The following LIMCH1 variants were observed in gnomAD, a reference collection of about 807,000 sequenced individuals.
LIMCH1 encodes the protein LIM and calponin homology domains 1.
In LIMCH1, 113 loss-of-function variants were observed where a neutral mutation model predicts 176.5. The ratio of observed to expected loss-of-function variants is 0.64; its 90% confidence interval spans 0.55 to 0.75. The LOEUF (loss-of-function observed/expected upper bound fraction) is 0.75. LIMCH1 is among the 30% of genes least tolerant of loss of function. LIMCH1 has a pLI of 0.00. For missense variants in LIMCH1, 1,674 were observed against 1,814.9 expected, an observed-to-expected ratio of 0.92 and a Z score of 1.41; for synonymous variants, 619 against 645.9, an observed-to-expected ratio of 0.96 and a Z score of 0.63.
chr4:41,544,158 A>G (rs2079053631), intron 1 of LIMCH1, among the ~76,000 whole-genome samples: 1 of 152,048 alleles, frequency 6.6e-6, no homozygotes, highest in South Asian at 2.1e-4. Context: ...CCGGCTTGTA[A>G]TGGGCCAACT....
intron 1 of LIMCH1, among the ~76,000 whole-genome samples, chr4:41,441,246 A>G (rs2062670757): frequency 6.6e-6 from 1 of 152,252 alleles, no homozygotes; most frequent in South Asian, 2.1e-4. Context: ...TTATATTTCA[A>G]TGAAAAATGA....
chr4:41,461,511 C>A (rs968760284), intron 1 of LIMCH1, among the ~76,000 whole-genome samples: 1 of 152,180 alleles, frequency 6.6e-6, no homozygotes, highest in Non-Finnish European at 1.5e-5. Context: ...CGTGGTCCCA[C>A]TGGGCTGTTT....
rs545307669 is a variant in LIMCH1, at chr4:41,621,290, A to G, written c.725+600A>G. Among the ~76,000 whole-genome samples, 28 of 152,290 alleles carry G rather than the reference A, an allele frequency of 1.8e-4. No homozygotes were observed. In the South Asian group the frequency reaches 3.7e-3, roughly 20 times the overall value. On this transcript the variant is annotated intron_variant, in intron 7 of 31. Coordinates refer to ENST00000503057, the MANE Select transcript of LIMCH1 (RefSeq NM_001330672.2). ...ACTAGTATCCAGTCCTGATAGCTTC[A>G]TATTACATGTGAGATGGAGACCTTC...
intron 1 of LIMCH1, among the ~76,000 whole-genome samples, chr4:41,491,579 G>T (rs946296997): frequency 2.0e-5 from 3 of 146,770 alleles, no homozygotes; most frequent in African/African-American, 7.6e-5. Flanking sequence ...GACGATGAGC[G>T]GTCAGGCAGA....
chr4:41,399,822 T>C (rs1437566803), intron 1 of LIMCH1, among the ~76,000 whole-genome samples: 2 of 148,218 alleles, frequency 1.3e-5, no homozygotes, highest in South Asian at 2.2e-4. Flanking sequence ...GCTGGGAGTG[T>C]GCCACCATGC....
At chr4:41,541,990 C>T (rs1010979288) in intron 1 of LIMCH1, among the ~76,000 whole-genome samples, 6 of 152,098 alleles carry the variant, frequency 3.9e-5, no homozygotes, top group African/African-American at 1.2e-4. Flanking sequence ...TCTGAAAAGC[C>T]GAACTCAGCC....
chr4:41,375,244 G>C (rs953255732), intron 1 of LIMCH1, among the ~76,000 whole-genome samples: 1 of 152,176 alleles, frequency 6.6e-6, no homozygotes, highest in African/African-American at 2.4e-5. Context: ...TAAGCTGGGA[G>C]TGGTTAAAAA....
intron 1 of LIMCH1, among the ~76,000 whole-genome samples, chr4:41,433,588 G>A (rs1582092130): frequency 6.6e-6 from 1 of 152,084 alleles, no homozygotes; most frequent in Non-Finnish European, 1.5e-5. Flanking sequence ...GCAGGTTTGG[G>A]CGCCCTCATA....
intron 1 of LIMCH1, among the ~76,000 whole-genome samples, chr4:41,458,686 A>ACC (rs2064917819): frequency 6.7e-6 from 1 of 149,662 alleles, no homozygotes; most frequent in African/African-American, 2.5e-5. Context: ...AGGCAGGAGA[A>ACC]TGGCGTGAAC....
chr4:41,586,961 C>T (rs2086606710), intron 1 of LIMCH1, among the ~76,000 whole-genome samples: 1 of 152,152 alleles, frequency 6.6e-6, no homozygotes, highest in African/African-American at 2.4e-5. Context: ...ATATGCTATG[C>T]TGGCAAGGAA....
intron 1 of LIMCH1, among the ~76,000 whole-genome samples, chr4:41,428,583 A>AT (rs11416268): frequency 0.13 from 19,743 of 152,222 alleles, 1,504 homozygotes; most frequent in Admixed American, 0.21. Flanking sequence ...ACTTCTAACT[A>AT]TTCAGAATGT....
intron 1 of LIMCH1, among the ~76,000 whole-genome samples, chr4:41,487,017 C>T (rs931918618): frequency 6.8e-6 from 1 of 146,026 alleles, no homozygotes; most frequent in Non-Finnish European, 1.5e-5. Context: ...TATATACACA[C>T]GTACATATAT....
chr4:41,571,326 G>A (rs1439378318), intron 1 of LIMCH1, among the ~76,000 whole-genome samples: 28 of 152,092 alleles, frequency 1.8e-4, no homozygotes, highest in Non-Finnish European at 1.0e-4. Context: ...ACTTTGACAA[G>A]GAAGGAGAGA....
intron 1 of LIMCH1, among the ~76,000 whole-genome samples, chr4:41,365,283 A>T (rs776448542): frequency 6.6e-6 from 1 of 152,186 alleles, no homozygotes; most frequent in Non-Finnish European, 1.5e-5. Context: ...GCTGGAAGGG[A>T]TCAGTTTCTC....
chr4:41,695,258 A>G (rs530000503), intron 31 of LIMCH1, among the ~76,000 whole-genome samples: 1 of 151,184 alleles, frequency 6.6e-6, no homozygotes, highest in South Asian at 2.1e-4. Context: ...TTTTTGGATT[A>G]TAGGTTTCTT....
intron 1 of LIMCH1, among the ~76,000 whole-genome samples, chr4:41,472,345 C>G (rs1178293029): frequency 6.8e-6 from 1 of 147,068 alleles, no homozygotes; most frequent in Non-Finnish European, 1.5e-5. Context: ...TCCCTGCCTC[C>G]CTCCCTGCCC....
chr4:41,480,908 C>T (rs11944108), intron 1 of LIMCH1, among the ~76,000 whole-genome samples: 9,328 of 152,242 alleles, frequency 0.061, 422 homozygotes, highest in African/African-American at 0.12. Context: ...TTGCTAAAGC[C>T]ACTCGCATGT....
At chr4:41,595,269 G>C (rs968672500) in intron 1 of LIMCH1, among the ~76,000 whole-genome samples, 2 of 152,162 alleles carry the variant, frequency 1.3e-5, no homozygotes, top group Non-Finnish European at 2.9e-5. Flanking sequence ...GAACATCATA[G>C]AGAAAGAGAA....
intron 1 of LIMCH1, among the ~76,000 whole-genome samples, chr4:41,473,866 A>G (rs894408390): frequency 6.6e-6 from 1 of 152,182 alleles, no homozygotes; most frequent in Non-Finnish European, 1.5e-5. Context: ...TAACAAGAAA[A>G]CACATAACCT....
Sources: gnomAD v4.1 joint callset for allele counts (sites outside exome capture counted in the v4.1 genomes callset) on GRCh38, gnomAD v4.1.1 for gene constraint, MANE v1.5 for transcripts, NCBI Gene and HGNC (gene_info 2026-07-23, HGNC 2026-07-21) for gene names.